Variants in FGF12 observed in about 807,000 individuals in gnomAD.
FGF12 encodes fibroblast growth factor 12B.
Under a neutral mutation model 23.6 loss-of-function variants are expected in FGF12, and 14 were observed. That is an observed-to-expected ratio of 0.59 (90% CI 0.39 to 0.93). FGF12 has a LOEUF of 0.93. Among genes scored for constraint, FGF12 ranks in the 40% least tolerant of loss-of-function variants. FGF12 has a pLI of 0.00. For synonymous variants in FGF12, 62 were observed against 77.3 expected (o/e 0.80, Z 1.04); for missense variants, 175 against 217.8 (o/e 0.80, Z 1.24).
At chr3:192,458,690 T>C (rs1166290093) in intron 2 of FGF12, among the ~76,000 whole-genome samples, 2 of 152,176 alleles carry the variant, frequency 1.3e-5, no homozygotes, top group African/African-American at 2.4e-5. Flanking sequence ...GATAAGACTT[T>C]GGACTGTGGA....
intron 2 of FGF12, among the ~76,000 whole-genome samples, chr3:192,681,061 T>C (rs1717508951): frequency 6.6e-6 from 1 of 152,210 alleles, no homozygotes; most frequent in African/African-American, 2.4e-5. Flanking sequence ...TTGTAAACAT[T>C]TTATTTATTC....
intron 2 of FGF12, 98 bp downstream of exon 2, chr3:192,727,083 T>G: frequency 1.4e-6 from 2 of 1,436,668 alleles, no homozygotes; most frequent in Non-Finnish European, 1.9e-6. Flanking sequence ...CGACCTAGTA[T>G]GATGCTCGCT....
chr3:192,237,172 C>T (rs1719346604), intron 4 of FGF12, among the ~76,000 whole-genome samples: 1 of 152,208 alleles, frequency 6.6e-6, no homozygotes, highest in Non-Finnish European at 1.5e-5. Context: ...CTGATCTCTT[C>T]TGGCTCATAA....
intron 2 of FGF12, among the ~76,000 whole-genome samples, chr3:192,390,908 C>T (rs769721431): frequency 9.2e-5 from 14 of 152,186 alleles, no homozygotes; most frequent in Non-Finnish European, 1.5e-4. Context: ...AGATTGGGTT[C>T]TGGAGGAAGA....
intron 2 of FGF12, among the ~76,000 whole-genome samples, chr3:192,435,429 T>A (rs1370562544): frequency 6.6e-6 from 1 of 152,214 alleles, no homozygotes; most frequent in Non-Finnish European, 1.5e-5. Flanking sequence ...ATCTGGCTTC[T>A]TACTCCCAGG....
intron 2 of FGF12, among the ~76,000 whole-genome samples, chr3:192,602,132 CCA>C (rs1577074046): frequency 6.6e-6 from 1 of 152,152 alleles, no homozygotes; most frequent in East Asian, 1.9e-4. Flanking sequence ...TGTAGGTTCA[CCA>C]ATTCAATTCT....
chr3:192,418,635 A>T (rs1721427417), intron 2 of FGF12, among the ~76,000 whole-genome samples: 3 of 152,060 alleles, frequency 2.0e-5, no homozygotes, highest in Admixed American at 2.0e-4. Flanking sequence ...AGGTGATTGG[A>T]TCATGGGGGC....
intron 2 of FGF12, among the ~76,000 whole-genome samples, chr3:192,577,826 T>C (rs1359660490): frequency 6.6e-6 from 1 of 152,188 alleles, no homozygotes; most frequent in Non-Finnish European, 1.5e-5. Flanking sequence ...AGTTTATAGG[T>C]TGAATAAACA....
chr3:192,371,356 A>G (rs1719221026), intron 2 of FGF12, among the ~76,000 whole-genome samples: 1 of 152,232 alleles, frequency 6.6e-6, no homozygotes, highest in East Asian at 1.9e-4. Context: ...TGTGCCTCCC[A>G]GAGGTTTCCT....
intron 5 of FGF12, among the ~76,000 whole-genome samples, chr3:192,145,591 A>G (rs892715723): frequency 2.6e-5 from 4 of 152,256 alleles, no homozygotes; most frequent in Non-Finnish European, 1.5e-5. Flanking sequence ...CTACACTCTG[A>G]GTAGCAGAAA....
intron 4 of FGF12, among the ~76,000 whole-genome samples, chr3:192,187,366 A>T (rs1229147880): frequency 1.3e-5 from 2 of 152,194 alleles, no homozygotes; most frequent in Non-Finnish European, 2.9e-5. Context: ...TTTTGCCTGC[A>T]TTCTCAACTT....
chr3:192,301,842 G>C (rs1715364216), intron 4 of FGF12, among the ~76,000 whole-genome samples: 2 of 152,078 alleles, frequency 1.3e-5, no homozygotes, highest in Admixed American at 1.3e-4. Context: ...GTAAGGAAGG[G>C]AGCAGGGAAA....
At chr3:192,341,038 G>T (rs1313386354) in intron 3 of FGF12, among the ~76,000 whole-genome samples, 1 of 152,108 alleles carries the variant, frequency 6.6e-6, no homozygotes, top group Non-Finnish European at 1.5e-5. Context: ...TGGAATGGGA[G>T]AAAATATTTG....
chr3:192,418,786 T>A (rs1180930258), intron 2 of FGF12, among the ~76,000 whole-genome samples: 1 of 152,188 alleles, frequency 6.6e-6, no homozygotes, highest in Non-Finnish European at 1.5e-5. Context: ...CCTTACACCA[T>A]GATCTTAAGT....
At chr3:192,443,079 A>C (rs59519810) in intron 2 of FGF12, among the ~76,000 whole-genome samples, 7,033 of 152,216 alleles carry the variant, frequency 0.046, 532 homozygotes, top group African/African-American at 0.16. Context: ...AAGTGCTGAG[A>C]TTACAGGCGT....
At chr3:192,311,815 TTTTA>T in intron 4 of FGF12, among the ~76,000 whole-genome samples, 1 of 152,184 alleles carries the variant, frequency 6.6e-6, no homozygotes, top group Non-Finnish European at 1.5e-5. Flanking sequence ...TATCAGTCTT[TTTTA>T]ATATAGCCTT....
At chr3:192,169,926 C>A (rs1715449664) in intron 5 of FGF12, among the ~76,000 whole-genome samples, 1 of 149,804 alleles carries the variant, frequency 6.7e-6, no homozygotes, top group Non-Finnish European at 1.5e-5. Context: ...GTTATAGGCT[C>A]ACCTGAGAAG....
intron 2 of FGF12, among the ~76,000 whole-genome samples, chr3:192,600,966 G>A (rs972517349): frequency 3.9e-5 from 6 of 152,042 alleles, no homozygotes; most frequent in African/African-American, 1.4e-4. Context: ...CCAAGGAAGG[G>A]AAATTAGCAA....
intron 4 of FGF12, among the ~76,000 whole-genome samples, chr3:192,186,992 C>A (rs1716507812): frequency 6.6e-6 from 1 of 152,170 alleles, no homozygotes; most frequent in African/African-American, 2.4e-5. Flanking sequence ...GCTTGGAATT[C>A]TTCTAATTGG....
Sources: allele counts gnomAD v4.1 joint callset (sites outside exome capture counted in the v4.1 genomes callset), GRCh38; gene constraint gnomAD v4.1.1; transcripts MANE v1.5; gene names NCBI Gene and HGNC (gene_info 2026-07-23, HGNC 2026-07-21).